The following GMNC variants were observed in gnomAD, a reference collection of about 807,000 sequenced individuals.
GMNC encodes geminin coiled-coil domain containing.
A neutral mutation model predicts 33.6 loss-of-function variants in GMNC; 16 were observed. That is an observed-to-expected ratio of 0.48 (90% CI 0.32 to 0.72). The LOEUF is 0.72. GMNC is among the 30% of genes least tolerant of loss of function. GMNC has a pLI of 0.03. For missense variants in GMNC, 393 were observed against 388.9 expected (o/e 1.01, Z -0.09); for synonymous variants, 156 against 147.3 (o/e 1.06, Z -0.43).
chr3:190,854,442 G>C lies in GMNC; in HGVS notation c.*853C>G, dbSNP rs1305808475. On this transcript the variant is annotated 3_prime_UTR_variant, in exon 5 of 5. Coordinates refer to ENST00000442080, the MANE Select transcript of GMNC (RefSeq NM_001146686.3). The stretch of plus-strand genomic sequence containing the variant: ...AATACGCGAATGAATGAATGAATGA[G>C]ACAATGGCTGAGCTAGGTTAGTCTA... The C allele has an allele frequency of 6.6e-6, 1 of 152,080 alleles. No homozygotes were observed. Among genetic ancestry groups the C allele is most frequent in the African/African-American group, 2.4e-5 (1 of 41,404 alleles). 9.4% of individuals were successfully genotyped at this position (152,080 alleles called of 1,614,324 possible).
chr3:190,859,166 GT>G, intron 2 of GMNC, 150 bp from the exon 3 acceptor site: 5 of 584,154 alleles, frequency 8.6e-6, no homozygotes, highest in South Asian at 8.5e-5. Context: ...GACATTTAAA[GT>G]TTTTTAGAAA....
At chr3:190,849,513 G>C (rs1415608775), downstream of GMNC, among the ~76,000 whole-genome samples, 1 of 152,198 alleles carries the variant, frequency 6.6e-6, no homozygotes, top group African/African-American at 2.4e-5. Context: ...GAGATTTCTT[G>C]CTGTCAACTT....
At chr3:190,849,419 G>A (rs1466889), downstream of GMNC, among the ~76,000 whole-genome samples, 32,716 of 152,092 alleles carry the variant, frequency 0.22, 3,793 homozygotes, top group South Asian at 0.43. Flanking sequence ...CAAATCCTAG[G>A]AGAGCAAAAT....
At chr3:190,859,286 T>G (rs1465634338) in intron 2 of GMNC, among the ~76,000 whole-genome samples, 1 of 152,234 alleles carries the variant, frequency 6.6e-6, no homozygotes, top group Non-Finnish European at 1.5e-5. Context: ...AATATATGTA[T>G]TCCTGCTGGA....
At chr3:190,856,015 G>T in intron 4 of GMNC, 100 bp from the exon 5 acceptor site, 2 of 841,358 alleles carry the variant, frequency 2.4e-6, no homozygotes, top group Non-Finnish European at 3.6e-6. Flanking sequence ...ACACAAGTAA[G>T]ATGGATTGGA....
chr3:190,850,905 A>G (rs911758179), downstream of GMNC, among the ~76,000 whole-genome samples: 2 of 152,226 alleles, frequency 1.3e-5, no homozygotes, highest in East Asian at 1.9e-4. Context: ...AATAACTTAC[A>G]TCAATTACAT....
downstream of GMNC, among the ~76,000 whole-genome samples, chr3:190,852,092 AATTTAAT>A (rs1737644047): frequency 6.6e-6 from 1 of 152,134 alleles, no homozygotes; most frequent in African/African-American, 2.4e-5. Context: ...AAAATATCAG[AATTTAAT>A]ATTTAATCTT....
rs1240053445 is a variant in GMNC at position 190,862,312 on chromosome 3, C to G, written c.3+301G>C. Among the ~76,000 whole-genome samples the G allele has an allele frequency of 6.7e-6, 1 of 148,866 alleles. No homozygotes were observed. Among genetic ancestry groups the G allele is most frequent in the East Asian group, 2.0e-4 (1 of 5,060 alleles). ...GAAGAGGTAGAATGAAAAGTGAGTG[C>G]AGGTGGAGGGGGAAGTTGGGGAGAA... is the stretch of plus-strand genomic sequence containing the variant. On this transcript the variant is annotated intron_variant, in intron 1 of 4. Transcript: ENST00000442080. This position sits in a 1 kb window ranked among gnomAD's most constrained non-coding sequence, Gnocchi z 4.5.
At chr3:190,845,718 C>T in the GMNC span, among the ~76,000 whole-genome samples, 1 of 151,866 alleles carries the variant, frequency 6.6e-6, no homozygotes, top group Non-Finnish European at 1.5e-5. Context: ...CCAGGTTGAC[C>T]AGGCTGGTCT....
the GMNC span, among the ~76,000 whole-genome samples, chr3:190,844,892 A>C: frequency 6.6e-6 from 1 of 152,190 alleles, no homozygotes; most frequent in African/African-American, 2.4e-5. Context: ...TTGATAAATT[A>C]GCTTACTTTG....
At chr3:190,846,934 GATA>G in the GMNC span, among the ~76,000 whole-genome samples, 431 of 152,306 alleles carry the variant, frequency 2.8e-3, 1 homozygote, top group South Asian at 8.3e-3. Flanking sequence ...CTGGTGGACT[GATA>G]ATATTATAAC....
chr3:190,843,452 T>C, the GMNC span, among the ~76,000 whole-genome samples: 13 of 152,208 alleles, frequency 8.5e-5, no homozygotes, highest in Non-Finnish European at 1.9e-4. Flanking sequence ...AAGCAGGTTG[T>C]CATATATTTG....
In GMNC at chr3:190,861,605, G is replaced by A. The variant is rs1356990264; in HGVS notation, c.4-747C>T. Among the ~76,000 whole-genome samples, 3 of 152,148 alleles carry A rather than the reference G, an allele frequency of 2.0e-5. No homozygotes were observed. The highest frequency in any genetic ancestry group is 4.4e-5 in the Non-Finnish European group (3 of 68,028). ...AAACGTATAATCAAAGCTGAAAGAAGTTCGTTAGCAAAGACAGCAAGCTCT... is the reference window on the plus strand; with the variant it reads ...AAACGTATAATCAAAGCTGAAAGAAATTCGTTAGCAAAGACAGCAAGCTCT... On this transcript the variant is annotated intron_variant, in intron 1 of 4. Transcript: ENST00000442080. This position sits in a 1 kb window ranked among gnomAD's most constrained non-coding sequence, Gnocchi z 5.1.
downstream of GMNC, among the ~76,000 whole-genome samples, chr3:190,851,954 G>A (rs918749836): frequency 6.6e-6 from 1 of 151,630 alleles, no homozygotes; most frequent in Non-Finnish European, 1.5e-5. Context: ...TTTGATACAA[G>A]AATTAAAACT....
downstream of GMNC, among the ~76,000 whole-genome samples, chr3:190,848,379 T>C (rs146337528): frequency 0.01 from 1,589 of 152,354 alleles, 28 homozygotes; most frequent in African/African-American, 0.037. Flanking sequence ...TCTACCTCTA[T>C]GTCTACTTGT....
Position 190,855,611 on chromosome 3 carries a change from G to T in GMNC, c.689C>A (p.Ala230Glu). The T allele has an allele frequency of 6.4e-7, 1 of 1,551,538 alleles. No homozygotes were observed. Among genetic ancestry groups the T allele is most frequent in the African/African-American group, 1.4e-5 (1 of 73,124 alleles). Residue 230 changes from alanine (A) to glutamate (E), a missense_variant, in exon 5 of 5, where the codon GCA (alanine) becomes GAA (glutamate). Transcript: ENST00000442080. ...TCTGGGGATATTTTTATAATCAACT[G>T]CATCATCCGGAAACTGGGAAAATGT... The part of the protein sequence containing the change: ...ASTFSQFPDD[A>E]VDYKNIPRED...
downstream of GMNC, among the ~76,000 whole-genome samples, chr3:190,851,475 A>G (rs1011984498): frequency 2.0e-5 from 3 of 152,216 alleles, no homozygotes; most frequent in Admixed American, 1.3e-4. Context: ...TGGAAATATA[A>G]ACATCAATGA....
At chr3:190,848,716 C>T (rs1484458823), downstream of GMNC, among the ~76,000 whole-genome samples, 1 of 152,080 alleles carries the variant, frequency 6.6e-6, no homozygotes, top group Non-Finnish European at 1.5e-5. Flanking sequence ...ATACACGGTC[C>T]TTAAAAGTTA....
At chr3:190,859,764 T>C in intron 2 of GMNC, 2 of 435,594 alleles carry the variant, frequency 4.6e-6, no homozygotes, top group Non-Finnish European at 9.1e-6. Flanking sequence ...TTTTACTTTC[T>C]TTTCTTCATC....
Sources: allele counts gnomAD v4.1 joint callset (sites outside exome capture counted in the v4.1 genomes callset), GRCh38; gene constraint gnomAD v4.1.1; non-coding constraint Gnocchi (gnomAD v3.1); transcripts MANE v1.5; gene names NCBI Gene and HGNC (gene_info 2026-07-23, HGNC 2026-07-21).